Variants in TLK2 observed in about 807,000 individuals in gnomAD.
TLK2 encodes the protein serine/threonine-protein kinase tousled-like 2.
In TLK2, 6 loss-of-function variants were observed where a neutral mutation model predicts 117.3. The observed-to-expected ratio is 0.05, with a 90% CI of 0.03 to 0.10. The LOEUF (loss-of-function observed/expected upper bound fraction) is 0.10, where lower values mean the gene tolerates loss of function less well. Among genes scored for constraint, TLK2 ranks in the 10% least tolerant of loss-of-function variants. The pLI is 1.00. For synonymous variants in TLK2, 257 were observed against 316.7 expected, an observed-to-expected ratio of 0.81 and a Z score of 2.00; for missense variants, 299 against 901.2, an observed-to-expected ratio of 0.33 and a Z score of 8.56.
intron 16 of TLK2, among the ~76,000 whole-genome samples, chr17:62,590,786 A>G (rs747297568): frequency 5.9e-5 from 9 of 152,234 alleles, no homozygotes; most frequent in Non-Finnish European, 1.3e-4. Context: ...ACAAGATGGT[A>G]TTAAATCTCT....
chr17:62,571,246 A>G (rs1353130777), intron 11 of TLK2, among the ~76,000 whole-genome samples: 2 of 152,216 alleles, frequency 1.3e-5, no homozygotes, highest in Admixed American at 6.5e-5. Flanking sequence ...AGTCCCTGAT[A>G]TAAAATCTGT....
At chr17:62,561,998 A>G (rs2079320290) in intron 10 of TLK2, among the ~76,000 whole-genome samples, 1 of 152,216 alleles carries the variant, frequency 6.6e-6, no homozygotes, top group African/African-American at 2.4e-5. Flanking sequence ...AAATTGTAGT[A>G]TCTACTTACT....
chr17:62,508,087 A>T (rs895533391), intron 2 of TLK2, among the ~76,000 whole-genome samples: 1 of 151,724 alleles, frequency 6.6e-6, no homozygotes, highest in Non-Finnish European at 1.5e-5. Context: ...ATTAGTTTTG[A>T]TTTAACAAAT....
chr17:62,490,089 G>A (rs7213307), intron 2 of TLK2, among the ~76,000 whole-genome samples: 142,349 of 152,306 alleles, frequency 0.93, 67,283 homozygotes, highest in East Asian at 1. Flanking sequence ...CTTGGCCTCC[G>A]AAAGTGTTGG....
At chr17:62,546,735 T>C (rs1285885101) in intron 7 of TLK2, among the ~76,000 whole-genome samples, 1 of 151,688 alleles carries the variant, frequency 6.6e-6, no homozygotes, top group African/African-American at 2.4e-5. Context: ...TTTAAAAATA[T>C]TTTTAGTAGA....
upstream of TLK2, among the ~76,000 whole-genome samples, chr17:62,475,764 A>ACACACTCTGTTT (rs2071028070): frequency 6.6e-6 from 1 of 151,066 alleles, no homozygotes. Flanking sequence ...GGTTCAAGCG[A>ACACACTCTGTTT]TTCTCCTGCC....
chr17:62,509,002 G>A (rs561001614), intron 2 of TLK2, among the ~76,000 whole-genome samples: 1 of 152,178 alleles, frequency 6.6e-6, no homozygotes, highest in Admixed American at 6.5e-5. Context: ...ATAGACTCCT[G>A]TAACCAAGAA....
At position 62,554,160 on chromosome 17, in the gene TLK2, A is replaced by G. The variant is rs540224377; in HGVS notation, c.720+405A>G. ...GTACCTTTTATAACCTACTCACCCA[A>G]ACTTTTTTGTGCTTACAAAAGAAAC... On this transcript the variant is annotated intron_variant, in intron 9 of 21. Transcript: ENST00000346027. Among the ~76,000 whole-genome samples, 8 of 152,346 alleles carry G rather than the reference A, an allele frequency of 5.3e-5. No individual in the cohort carries two copies. The South Asian group carries it at 1.7e-3, about 32-fold the overall frequency.
At chr17:62,598,809 C>T (rs1303994805) in intron 17 of TLK2, among the ~76,000 whole-genome samples, 1 of 152,040 alleles carries the variant, frequency 6.6e-6, no homozygotes, top group Non-Finnish European at 1.5e-5. Flanking sequence ...AGGCTTGAGC[C>T]ACCGCGCCTG....
chr17:62,484,085 G>A (rs1276954460), intron 2 of TLK2, among the ~76,000 whole-genome samples: 2 of 152,158 alleles, frequency 1.3e-5, no homozygotes, highest in East Asian at 1.9e-4. Context: ...GCCTCCCAAA[G>A]TGCTGGGATT....
chr17:62,491,319 A>G (rs2073090993), intron 2 of TLK2, among the ~76,000 whole-genome samples: 1 of 152,176 alleles, frequency 6.6e-6, no homozygotes, highest in Non-Finnish European at 1.5e-5. Flanking sequence ...TTCAGATTAA[A>G]TGGAAAGATT....
chr17:62,531,894 T>C (rs2076765804), intron 6 of TLK2, among the ~76,000 whole-genome samples: 1 of 152,222 alleles, frequency 6.6e-6, no homozygotes, highest in African/African-American at 2.4e-5. Flanking sequence ...ATTTTTCTTT[T>C]GGTTTACCCT....
chr17:62,522,130 G>A, intron 3 of TLK2, 74 bp from the exon 4 acceptor site: 1 of 1,474,812 alleles, frequency 6.8e-7, no homozygotes, highest in Non-Finnish European at 9.3e-7. Flanking sequence ...TCAATATTTT[G>A]TGTATACTCG....
rs969313437 is a variant in TLK2, at chr17:62,567,983, C to G, written c.968+2846C>G. 3.9e-5 allele frequency among the ~76,000 whole-genome samples: 6 copies of G among 151,994 alleles called. No individual in the cohort carries two copies. In the East Asian group the frequency reaches 9.6e-4, roughly 24 times the overall value. Reference sequence around the variant, plus strand: ...ATGTTTGAATCTTTTGAAAAAGTAGCTTATTTTATAGTTCTGAGAAAGTAA... The same window carrying G: ...ATGTTTGAATCTTTTGAAAAAGTAGGTTATTTTATAGTTCTGAGAAAGTAA... On this transcript the variant is annotated intron_variant, in intron 11 of 21. Coordinates refer to ENST00000346027, the MANE Select transcript of TLK2 (RefSeq NM_006852.6).
intron 2 of TLK2, among the ~76,000 whole-genome samples, chr17:62,499,270 G>T (rs1256755052): frequency 6.6e-6 from 1 of 151,882 alleles, no homozygotes; most frequent in African/African-American, 2.4e-5. Flanking sequence ...GAACCCAGGA[G>T]GTGCAGTGAG....
chr17:62,607,380 T>A (rs1190787813), intron 20 of TLK2, among the ~76,000 whole-genome samples: 4 of 149,496 alleles, frequency 2.7e-5, no homozygotes, highest in Non-Finnish European at 5.9e-5. Context: ...AAAAAAAAAA[T>A]TAGCCGGGCG....
chr17:62,601,755 C>A (rs2082891791), intron 18 of TLK2, among the ~76,000 whole-genome samples: 1 of 152,262 alleles, frequency 6.6e-6, no homozygotes, highest in East Asian at 1.9e-4. Context: ...CAGTTTTGAC[C>A]AAGTGAACAA....
At chr17:62,609,715 G>T (rs1426135619) in intron 21 of TLK2, among the ~76,000 whole-genome samples, 1 of 151,674 alleles carries the variant, frequency 6.6e-6, no homozygotes, top group Non-Finnish European at 1.5e-5. Context: ...CCTAATTTTG[G>T]TGTCAGCTCT....
chr17:62,482,190 C>G (rs2071739436), intron 2 of TLK2, among the ~76,000 whole-genome samples: 1 of 152,032 alleles, frequency 6.6e-6, no homozygotes, highest in South Asian at 2.1e-4. Context: ...CTCAGGTGAT[C>G]CACCTGCCTC....
Sources: allele counts gnomAD v4.1 joint callset (sites outside exome capture counted in the v4.1 genomes callset), GRCh38; gene constraint gnomAD v4.1.1; transcripts MANE v1.5; gene names NCBI Gene and HGNC (gene_info 2026-07-23, HGNC 2026-07-21).